FYB1: variants seen among roughly 807,000 people sequenced by gnomAD.
FYB1 encodes FYN binding protein 1.
A neutral mutation model predicts 94.1 loss-of-function variants in FYB1; 41 were observed. The ratio of observed to expected loss-of-function variants is 0.44; its 90% CI spans 0.34 to 0.57. FYB1 has a LOEUF of 0.57. Among genes scored for constraint, FYB1 ranks in the 20% least tolerant of loss-of-function variants. The pLI is 0.02. For synonymous variants in FYB1, 367 were observed against 353.2 expected, an observed-to-expected ratio of 1.04 and a Z score of -0.44; for missense variants, 1,050 against 976.8, an observed-to-expected ratio of 1.07 and a Z score of -1.00.
At chr5:39,242,333 C>A (rs945236871) in intron 1 of FYB1, among the ~76,000 whole-genome samples, 1 of 148,880 alleles carries the variant, frequency 6.7e-6, no homozygotes, top group Non-Finnish European at 1.5e-5. Context: ...TGTTCCCCAC[C>A]GTGTGTCCAA....
intron 11 of FYB1, 142 bp downstream of exon 11, chr5:39,127,599 T>C (rs879816231): frequency 1.1e-6 from 1 of 875,696 alleles, no homozygotes; most frequent in Non-Finnish European, 1.6e-6. Context: ...GGTTTACAAT[T>C]GCTGTTAATT....
At chr5:39,247,776 T>C (rs1198219871) in intron 1 of FYB1, among the ~76,000 whole-genome samples, 1 of 151,884 alleles carries the variant, frequency 6.6e-6, no homozygotes, top group African/African-American at 2.4e-5. Context: ...TTGTTGAGCA[T>C]CTAGTATATG....
chr5:39,114,252 A>T (rs1428964190), intron 16 of FYB1, among the ~76,000 whole-genome samples: 1 of 152,124 alleles, frequency 6.6e-6, no homozygotes, highest in Non-Finnish European at 1.5e-5. Flanking sequence ...TGAGACATAG[A>T]GTTGTGGAAT....
Position 39,236,823 on chromosome 5 carries a change from C to A in FYB1, c.-27-33836G>T, listed in dbSNP as rs557654772. On this transcript the variant is annotated intron_variant, in intron 1 of 1. Coordinates refer to the FYB1 transcript ENST00000510188. ...TTTTATCCTTGGCCAAATTGCTTGA[C>A]CTGAGTTTCAATGTTGTCATCTATC... is the stretch of plus-strand genomic sequence containing the variant. Among the ~76,000 whole-genome samples the A allele has an allele frequency of 2.0e-5, 3 of 152,174 alleles. No individual in the cohort carries two copies. The East Asian group carries it at 5.8e-4, about 29-fold the overall frequency.
chr5:39,107,846 A>T (rs963724778), intron 18 of FYB1, among the ~76,000 whole-genome samples: 4 of 152,096 alleles, frequency 2.6e-5, no homozygotes, highest in Admixed American at 2.6e-4. Flanking sequence ...TTAATTTTTT[A>T]GATTACAGTT....
chr5:39,147,922 T>C (rs1015416851), intron 3 of FYB1, among the ~76,000 whole-genome samples: 2 of 150,246 alleles, frequency 1.3e-5, no homozygotes, highest in African/African-American at 4.9e-5. Flanking sequence ...CCTTGTGATC[T>C]GCTCTCCTCG....
intron 1 of FYB1, among the ~76,000 whole-genome samples, chr5:39,203,769 T>G (rs1052460104): frequency 1.3e-5 from 2 of 152,098 alleles, no homozygotes; most frequent in African/African-American, 4.8e-5. Context: ...AGACCTTTCT[T>G]TCCACAGTCA....
chr5:39,170,399 C>G (rs558329008), intron 2 of FYB1: 1 of 616,318 alleles, frequency 1.6e-6, no homozygotes, highest in African/African-American at 1.9e-5. Flanking sequence ...GTGGTCTTGT[C>G]GCCGTCCTGG....
intron 2 of FYB1, among the ~76,000 whole-genome samples, chr5:39,189,969 T>C (rs1421281399): frequency 1.3e-5 from 2 of 152,240 alleles, no homozygotes; most frequent in African/African-American, 2.4e-5. Context: ...CCTTGAGAAA[T>C]TGAGCCAGTT....
intron 1 of FYB1, among the ~76,000 whole-genome samples, chr5:39,274,130 G>T (rs1579824747): frequency 6.6e-6 from 1 of 152,086 alleles, no homozygotes; most frequent in Non-Finnish European, 1.5e-5. Flanking sequence ...TCACCATCTT[G>T]CCCAGGCTGG....
Position 39,148,790 on chromosome 5 carries a change from C to A in FYB1, c.1292+4658G>T, listed in dbSNP as rs544912616. On this transcript the variant is annotated intron_variant, in intron 3 of 18. Coordinates refer to ENST00000512982, the MANE Select transcript of FYB1 (RefSeq NM_001465.6). Reference sequence around the variant, plus strand: ...TGACTTCAGGGTAAGAACTGTTGAACCTTCCCTTTTCTAACCTTAGTCACT... The same window carrying A: ...TGACTTCAGGGTAAGAACTGTTGAAACTTCCCTTTTCTAACCTTAGTCACT... 1.2e-3 allele frequency among the ~76,000 whole-genome samples: 187 copies of A among 152,166 alleles called. 2 individuals carry two copies. The highest frequency in any genetic ancestry group is 2.5e-3 in the African/African-American group (103 of 41,512).
chr5:39,220,746 C>T (rs1310819282), upstream of FYB1, among the ~76,000 whole-genome samples: 1 of 152,256 alleles, frequency 6.6e-6, no homozygotes, highest in East Asian at 1.9e-4. Context: ...GAGATGGTCA[C>T]TTTCCTCCCC....
intron 2 of FYB1, among the ~76,000 whole-genome samples, chr5:39,171,336 T>C (rs1745233667): frequency 1.3e-5 from 2 of 152,116 alleles, no homozygotes; most frequent in Admixed American, 6.5e-5. Flanking sequence ...TTTTCTTCTA[T>C]TATAGTATAG....
chr5:39,166,606 G>A (rs890588212), intron 2 of FYB1, among the ~76,000 whole-genome samples: 8 of 152,066 alleles, frequency 5.3e-5, no homozygotes, highest in African/African-American at 9.7e-5. Flanking sequence ...TGTGGTATAC[G>A]TGGAATACTA....
chr5:39,167,803 A>C (rs946883743), intron 2 of FYB1, among the ~76,000 whole-genome samples: 9 of 152,206 alleles, frequency 5.9e-5, no homozygotes, highest in Admixed American at 4.6e-4. Flanking sequence ...GGCTTCAGCA[A>C]TGTGCCTCAA....
At chr5:39,147,676 A>G (rs957271665) in intron 3 of FYB1, among the ~76,000 whole-genome samples, 1 of 150,848 alleles carries the variant, frequency 6.6e-6, no homozygotes, top group African/African-American at 2.4e-5. Context: ...AACAGACTGC[A>G]GATGATAAAG....
chr5:39,196,208 C>CTTTTTTT (rs5867445), intron 2 of FYB1, among the ~76,000 whole-genome samples: 1 of 128,312 alleles, frequency 7.8e-6, no homozygotes, highest in African/African-American at 2.9e-5. Context: ...ATAATTCTTT[C>CTTTTTTT]TTTTTTTTTT....
At chr5:39,166,147 A>G (rs1020675234) in intron 2 of FYB1, among the ~76,000 whole-genome samples, 8 of 152,172 alleles carry the variant, frequency 5.3e-5, no homozygotes, top group African/African-American at 1.9e-4. Flanking sequence ...ACCAAAAGAA[A>G]AGAAATCGGC....
intron 1 of FYB1, among the ~76,000 whole-genome samples, chr5:39,273,514 A>T (rs1752721769): frequency 6.6e-6 from 1 of 152,254 alleles, no homozygotes; most frequent in African/African-American, 2.4e-5. Flanking sequence ...AGGAAATGCA[A>T]CAAAGATGAC....
Sources: allele counts gnomAD v4.1 joint callset (sites outside exome capture counted in the v4.1 genomes callset), GRCh38; gene constraint gnomAD v4.1.1; transcripts MANE v1.5; gene names NCBI Gene and HGNC (gene_info 2026-07-23, HGNC 2026-07-21).